The following CPM variants were observed in gnomAD, a reference collection of about 807,000 sequenced individuals.
CPM encodes the protein renal carboxypeptidase.
CPM carries 35 observed loss-of-function variants against 46.4 expected under a neutral mutation model. That is an observed-to-expected ratio of 0.75 (90% confidence interval 0.58 to 1.00). CPM has a LOEUF of 1.00. Ranked by LOEUF, CPM falls within the 50% of genes least tolerant of loss-of-function variation. CPM has a pLI of 0.00. For synonymous variants in CPM, 195 were observed against 195.3 expected (o/e 1.00, Z 0.01); for missense variants, 422 against 530.4 (o/e 0.80, Z 2.01).
intron 3 of CPM, among the ~76,000 whole-genome samples, chr12:68,874,841 G>A (rs1325165933): frequency 6.6e-6 from 1 of 152,134 alleles, no homozygotes; most frequent in Non-Finnish European, 1.5e-5. Context: ...GAATCCCCAT[G>A]TGACTCTAAA....
At chr12:68,934,057 C>T (rs1402459713), upstream of CPM, among the ~76,000 whole-genome samples, 1 of 152,040 alleles carries the variant, frequency 6.6e-6, no homozygotes, top group Non-Finnish European at 1.5e-5. Flanking sequence ...CGGGCCAACC[C>T]CCTCTACCTC....
intron 5 of CPM, chr12:68,842,494 GA>G: frequency 2.6e-6 from 1 of 386,604 alleles, no homozygotes; most frequent in Non-Finnish European, 5.0e-6. Flanking sequence ...TCACTCCGAT[GA>G]AAGGTGATTA....
chr12:68,913,018 G>A (rs1887661083), intron 2 of CPM, among the ~76,000 whole-genome samples: 1 of 151,928 alleles, frequency 6.6e-6, no homozygotes, highest in South Asian at 2.1e-4. Flanking sequence ...CACAGGGGCT[G>A]AGGCTGCTAT....
intron 2 of CPM, among the ~76,000 whole-genome samples, chr12:68,904,750 C>G (rs1302501660): frequency 6.6e-6 from 1 of 152,150 alleles, no homozygotes; most frequent in Non-Finnish European, 1.5e-5. Context: ...AGAAGGCAGT[C>G]TGAACCACAG....
intron 7 of CPM, among the ~76,000 whole-genome samples, chr12:68,863,474 C>T (rs531461814): frequency 9.2e-5 from 14 of 152,296 alleles, no homozygotes; most frequent in Non-Finnish European, 1.3e-4. Context: ...AAATCATCCT[C>T]TAAGCAGGAC....
chr12:68,933,428 T>G (rs140874777), upstream of CPM, among the ~76,000 whole-genome samples: 68 of 152,222 alleles, frequency 4.5e-4, no homozygotes, highest in East Asian at 0.012. Flanking sequence ...GGACAGTCTT[T>G]GCTGGAGCCC....
intron 4 of CPM, 52 bp downstream of exon 4, chr12:68,871,732 G>A (rs1885705497): frequency 2.5e-6 from 4 of 1,594,910 alleles, no homozygotes; most frequent in Middle Eastern, 1.7e-4. Flanking sequence ...TGCCTGTCGG[G>A]AGCCTTTGTG....
intron 1 of CPM, among the ~76,000 whole-genome samples, chr12:68,953,734 C>A (rs1212553265): frequency 1.3e-5 from 2 of 152,196 alleles, no homozygotes; most frequent in Non-Finnish European, 2.9e-5. Context: ...CCTTCAGTGG[C>A]AGGCACAGCC....
rs1885597186 is a variant in CPM at position 68,869,511 on chromosome 12, G to A, written c.617-16C>T. The A allele has an allele frequency of 6.3e-7, 1 of 1,593,852 alleles. No homozygotes were observed. Among genetic ancestry groups the A allele is most frequent in the Admixed American group, 1.8e-5 (1 of 55,842 alleles). On this transcript the variant is annotated splice_polypyrimidine_tract_variant and intron_variant, in intron 5 of 8. Coordinates refer to ENST00000551568, the MANE Select transcript of CPM (RefSeq NM_198320.5). ...GCCCCAGTTGCTGCATTTAAAAGAT[G>A]AACCAAGACCTTTAAACTGACTTGA...
chr12:68,896,288 C>T (rs1192060230), intron 2 of CPM, among the ~76,000 whole-genome samples: 1 of 152,184 alleles, frequency 6.6e-6, no homozygotes, highest in African/African-American at 2.4e-5. Flanking sequence ...CATCCCCTAC[C>T]ACCCTAAGTT....
In CPM at chr12:68,911,808, G is replaced by C. The variant is rs147644202; in HGVS notation, c.160+20870C>G. ...AAAATAGGAACTAGGCACAGATAGG[G>C]TAAGACAGTAGTTCAAGATCACAGC... On this transcript the variant is annotated intron_variant, in intron 2 of 8. Coordinates refer to ENST00000551568, the MANE Select transcript of CPM (RefSeq NM_198320.5). The C allele has an allele frequency of 3.9e-5, 6 of 152,262 alleles. No individual in the cohort carries two copies. The East Asian group carries it at 1.2e-3, about 29-fold the overall frequency. 9.4% of individuals were successfully genotyped at this position (152,262 alleles called of 1,614,324 possible).
chr12:68,870,081 T>C, intron 5 of CPM, 134 bp downstream of exon 5: 1 of 867,062 alleles, frequency 1.2e-6, no homozygotes, highest in Non-Finnish European at 1.7e-6. Context: ...TGGCTAGAGT[T>C]GGGAACATGA....
At chr12:68,868,224 A>T (rs1308666366) in intron 6 of CPM, among the ~76,000 whole-genome samples, 1 of 152,176 alleles carries the variant, frequency 6.6e-6, no homozygotes, top group Non-Finnish European at 1.5e-5. Context: ...GCCCTAAGGT[A>T]GGAGAGGGGG....
intron 1 of CPM, among the ~76,000 whole-genome samples, chr12:68,962,676 G>T (rs1209369752): frequency 6.6e-6 from 1 of 152,146 alleles, no homozygotes; most frequent in African/African-American, 2.4e-5. Flanking sequence ...GGGGGAGCCA[G>T]ACATGCCTCA....
chr12:68,938,239 G>A (rs1888702777), intron 1 of CPM, among the ~76,000 whole-genome samples: 1 of 152,028 alleles, frequency 6.6e-6, no homozygotes, highest in South Asian at 2.1e-4. Flanking sequence ...TACTTACCTG[G>A]AAACAACCAT....
intron 6 of CPM, 146 bp from the exon 7 acceptor site, chr12:68,867,194 G>C: frequency 1.3e-6 from 1 of 786,190 alleles, no homozygotes; most frequent in Non-Finnish European, 2.1e-6. Context: ...ATCAGGGCTT[G>C]ACATTCTATT....
intron 3 of CPM, among the ~76,000 whole-genome samples, chr12:68,874,207 A>C (rs1269900416): frequency 1.3e-5 from 2 of 152,190 alleles, no homozygotes; most frequent in African/African-American, 4.8e-5. Context: ...ATTTTAAGAT[A>C]TAATAGGTTT....
chr12:68,913,448 G>A (rs1887682078), intron 2 of CPM, among the ~76,000 whole-genome samples: 1 of 152,140 alleles, frequency 6.6e-6, no homozygotes, highest in Non-Finnish European at 1.5e-5. Context: ...CAACACCCAC[G>A]TGATCCACCA....
chr12:68,910,010 A>AGAAGAAGAG (rs1264664724), intron 2 of CPM, among the ~76,000 whole-genome samples: 1 of 152,052 alleles, frequency 6.6e-6, no homozygotes, highest in Non-Finnish European at 1.5e-5. Context: ...ATGAAGAAGA[A>AGAAGAAGAG]GAAGAAGAGG....
Sources: gnomAD v4.1 joint callset for allele counts (sites outside exome capture counted in the v4.1 genomes callset) on GRCh38, gnomAD v4.1.1 for gene constraint, MANE v1.5 for transcripts, NCBI Gene and HGNC (gene_info 2026-07-23, HGNC 2026-07-21) for gene names.